The following NLGN1 variants were observed in gnomAD, a reference collection of about 807,000 sequenced individuals.
NLGN1 encodes neuroligin 1.
A neutral mutation model predicts 65.5 loss-of-function variants in NLGN1; 12 were observed. The ratio of observed to expected loss-of-function variants is 0.18; its 90% confidence interval spans 0.12 to 0.30. The LOEUF (loss-of-function observed/expected upper bound fraction) is 0.30. NLGN1 is among the 10% of genes least tolerant of loss of function. The probability of loss-of-function intolerance (pLI) is 1.00; values close to 1 mark genes in which losing one functional copy is unlikely to be tolerated. For synonymous variants in NLGN1, 350 were observed against 359.5 expected, an observed-to-expected ratio of 0.97 and a Z score of 0.30; for missense variants, 750 against 1,007.1, an observed-to-expected ratio of 0.74 and a Z score of 3.46.
In NLGN1 at chr3:173,795,816, A is replaced by G. The variant is rs561105989; in HGVS notation, c.494-11864A>G. Among the ~76,000 whole-genome samples, 13 of 152,216 alleles carry G rather than the reference A, an allele frequency of 8.5e-5. No individual in the cohort carries two copies. In the South Asian group the frequency reaches 2.7e-3, roughly 32 times the overall value. On this transcript the variant is annotated intron_variant, in intron 3 of 6. Transcript: ENST00000457714. ...CTTGAGAACATTTAGCCTGCTTCCA[A>G]TTGCTCCAGAACAACAATGGCAATA...
intron 4 of NLGN1, among the ~76,000 whole-genome samples, chr3:174,174,885 C>T (rs1729165929): frequency 6.6e-6 from 1 of 151,614 alleles, no homozygotes; most frequent in South Asian, 2.1e-4. Flanking sequence ...TTTCAATTTC[C>T]TTCTTAATTT....
At chr3:173,937,140 C>CA (rs1745211728) in intron 4 of NLGN1, among the ~76,000 whole-genome samples, 1 of 151,946 alleles carries the variant, frequency 6.6e-6, no homozygotes, top group South Asian at 2.1e-4. Flanking sequence ...GCAACCAGAC[C>CA]AAAAAGATGT....
intron 2 of NLGN1, among the ~76,000 whole-genome samples, chr3:173,499,810 T>G (rs1489648618): frequency 2.0e-5 from 3 of 151,908 alleles, no homozygotes; most frequent in South Asian, 2.1e-4. Context: ...TTATTCTCTT[T>G]GAAGCAATTG....
chr3:173,731,543 A>G (rs1446283371), intron 3 of NLGN1, among the ~76,000 whole-genome samples: 1 of 152,076 alleles, frequency 6.6e-6, no homozygotes, highest in Admixed American at 6.6e-5. Context: ...GATAAATAGT[A>G]TTGTGTAGCT....
At chr3:173,424,744 A>G (rs1351417171) in intron 1 of NLGN1, among the ~76,000 whole-genome samples, 2 of 152,152 alleles carry the variant, frequency 1.3e-5, no homozygotes, top group Non-Finnish European at 2.9e-5. Context: ...TCATATCGCT[A>G]TCAGCATTTT....
At chr3:173,642,778 T>TA (rs1211512909) in intron 3 of NLGN1, among the ~76,000 whole-genome samples, 1 of 152,072 alleles carries the variant, frequency 6.6e-6, no homozygotes, top group African/African-American at 2.4e-5. Context: ...CAGCACCCAA[T>TA]AAGATAAATT....
At chr3:173,891,558 C>A (rs73035440) in intron 4 of NLGN1, among the ~76,000 whole-genome samples, 3,696 of 152,204 alleles carry the variant, frequency 0.024, 158 homozygotes, top group African/African-American at 0.083. Context: ...CTAAAGTTTC[C>A]AAACCCATGT....
chr3:173,954,563 A>T (rs1419643783), intron 4 of NLGN1, among the ~76,000 whole-genome samples: 1 of 152,050 alleles, frequency 6.6e-6, no homozygotes, highest in Non-Finnish European at 1.5e-5. Flanking sequence ...TTCAAATGTC[A>T]CTTCTTGAGT....
intron 4 of NLGN1, among the ~76,000 whole-genome samples, chr3:173,873,332 G>A (rs1378739534): frequency 1.3e-5 from 2 of 151,890 alleles, no homozygotes; most frequent in African/African-American, 2.4e-5. Context: ...GAAGTGATCC[G>A]TCCATCTCAG....
At chr3:173,763,798 A>C (rs563123791) in intron 3 of NLGN1, among the ~76,000 whole-genome samples, 1 of 152,244 alleles carries the variant, frequency 6.6e-6, no homozygotes, top group Non-Finnish European at 1.5e-5. Flanking sequence ...AAAAAAAAGT[A>C]AGAAAAAGAA....
chr3:174,154,954 TATAATATATA>T, intron 4 of NLGN1, among the ~76,000 whole-genome samples: 1 of 140,992 alleles, frequency 7.1e-6, no homozygotes, highest in Admixed American at 7.4e-5. Flanking sequence ...TAATATATAA[TATAATATATA>T]ATTATATATA....
intron 4 of NLGN1, among the ~76,000 whole-genome samples, chr3:174,269,196 T>C (rs1482681729): frequency 6.7e-6 from 1 of 148,414 alleles, no homozygotes; most frequent in Non-Finnish European, 1.5e-5. Context: ...AACATTAAAT[T>C]TATCATTATT....
In NLGN1 at chr3:173,542,937, C is replaced by G. The variant is rs540839971; in HGVS notation, c.-320-61342C>G. Among the ~76,000 whole-genome samples the G allele has an allele frequency of 2.6e-5, 4 of 152,118 alleles. No individual in the cohort carries two copies. In the East Asian group the frequency reaches 7.7e-4, roughly 29 times the overall value. ...CTGATGTCTAGAGTTCTGAGTATTT[C>G]CTCTTACTTTCCTACCCCATCATGT... On this transcript the variant is annotated intron_variant, in intron 2 of 6. Coordinates refer to ENST00000457714, the Ensembl canonical transcript of NLGN1.
chr3:174,030,656 A>G (rs1169616019), intron 4 of NLGN1, among the ~76,000 whole-genome samples: 1 of 152,226 alleles, frequency 6.6e-6, no homozygotes, highest in Non-Finnish European at 1.5e-5. Flanking sequence ...AATAACAGTA[A>G]TGGGATATTT....
At chr3:173,468,326 C>T (rs1053286888) in intron 2 of NLGN1, among the ~76,000 whole-genome samples, 1 of 152,028 alleles carries the variant, frequency 6.6e-6, no homozygotes, top group African/African-American at 2.4e-5. Context: ...CACCAGTTAT[C>T]CTAATTTTCA....
At chr3:174,074,762 G>A (rs1740563997) in intron 4 of NLGN1, among the ~76,000 whole-genome samples, 1 of 152,108 alleles carries the variant, frequency 6.6e-6, no homozygotes, top group Admixed American at 6.6e-5. Flanking sequence ...CGTGTAAGGG[G>A]CACATCAGAC....
intron 2 of NLGN1, among the ~76,000 whole-genome samples, chr3:173,439,213 C>T (rs1718699224): frequency 6.6e-6 from 1 of 152,118 alleles, no homozygotes; most frequent in South Asian, 2.1e-4. Context: ...TTCCTCTTAA[C>T]ACCTGTTCAA....
rs1744689848 is a variant in NLGN1 at position 173,934,450 on chromosome 3, T to C, written c.646+126618T>C. 2.0e-5 allele frequency among the ~76,000 whole-genome samples: 3 copies of C among 151,814 alleles called. No individual in the cohort carries two copies. In the South Asian group the frequency reaches 6.2e-4, roughly 31 times the overall value. On this transcript the variant is annotated intron_variant, in intron 4 of 6. Transcript: ENST00000457714. ...CATTTGCATTTGAATTATCAGCAAATATTTTTATTGACTGCATGCAAACCA... is the reference window on the plus strand; with the variant it reads ...CATTTGCATTTGAATTATCAGCAAACATTTTTATTGACTGCATGCAAACCA...
At chr3:173,451,317 G>T (rs964777151) in intron 2 of NLGN1, among the ~76,000 whole-genome samples, 1 of 152,158 alleles carries the variant, frequency 6.6e-6, no homozygotes, top group African/African-American at 2.4e-5. Flanking sequence ...GAGTTTACTG[G>T]AGGTGCACTC....
Sources: gnomAD v4.1 joint callset for allele counts (sites outside exome capture counted in the v4.1 genomes callset) on GRCh38, gnomAD v4.1.1 for gene constraint, MANE v1.5 for transcripts, NCBI Gene and HGNC (gene_info 2026-07-23, HGNC 2026-07-21) for gene names.